Variants in EDN1 observed in about 807,000 individuals in gnomAD.
EDN1 encodes endothelin-1.
A neutral mutation model predicts 21.7 loss-of-function variants in EDN1; 11 were observed. The observed-to-expected ratio is 0.51, with a 90% confidence interval of 0.32 to 0.84. EDN1 has a LOEUF of 0.84. EDN1 is among the 40% of genes least tolerant of loss of function. EDN1 has a pLI of 0.03. For missense variants in EDN1, 244 were observed against 262.3 expected, an observed-to-expected ratio of 0.93 and a Z score of 0.48; for synonymous variants, 85 against 90.6, an observed-to-expected ratio of 0.94 and a Z score of 0.35.
upstream of EDN1, among the ~76,000 whole-genome samples, chr6:12,287,712 T>TCACA (rs66467626): frequency 5.6e-3 from 574 of 103,054 alleles, 9 homozygotes; most frequent in Middle Eastern, 0.017. Flanking sequence ...TCTCTCTCTC[T>TCACA]CACACACACA....
At chr6:12,240,065 G>C in the EDN1 span, among the ~76,000 whole-genome samples, 1 of 152,178 alleles carries the variant, frequency 6.6e-6, no homozygotes. Context: ...TCATCATTCT[G>C]ATTGCTTATA....
the EDN1 span, among the ~76,000 whole-genome samples, chr6:12,276,203 AG>A: frequency 6.7e-6 from 1 of 149,280 alleles, no homozygotes; most frequent in East Asian, 2.0e-4. Context: ...CTAACACACA[AG>A]GAGTTTTATT....
chr6:12,291,786 A>G (rs1027800115), intron 1 of EDN1, among the ~76,000 whole-genome samples: 14 of 152,194 alleles, frequency 9.2e-5, no homozygotes, highest in Admixed American at 1.3e-4. Context: ...TCTCTCTCCA[A>G]TCATTTTCCC....
At chr6:12,283,581 AG>A in the EDN1 span, among the ~76,000 whole-genome samples, 1 of 152,210 alleles carries the variant, frequency 6.6e-6, no homozygotes, top group Non-Finnish European at 1.5e-5. Context: ...ATGTACAGGA[AG>A]GGGTTCCTCA....
At position 12,297,176 on chromosome 6, in the gene EDN1, TA is replaced by T. The variant is rs1581890805; in HGVS notation, c.*1110del. On this transcript the variant is annotated 3_prime_UTR_variant, in exon 5 of 5. Transcript: ENST00000379375. ...CAAGGTAATGACTTTAGAAAATAAA[TA>T]TTTTTTTCCTTACTGTACTGATTTG... 2 of 152,332 alleles carry T rather than the reference TA, an allele frequency of 1.3e-5. No homozygotes were observed. The highest frequency in any genetic ancestry group is 3.9e-4 in the East Asian group (2 of 5,190). 9.4% of individuals were successfully genotyped at this position (152,332 alleles called of 1,614,324 possible).
Position 12,292,331 on chromosome 6 carries a change from C to T in EDN1, c.65-10C>T. 2 of 1,613,754 alleles carry T rather than the reference C, an allele frequency of 1.2e-6. No individual in the cohort carries two copies. Among genetic ancestry groups the T allele is most frequent in the Non-Finnish European group, 1.7e-6 (2 of 1,180,046 alleles). The stretch of plus-strand genomic sequence containing the variant: ...GACATCCCCCACTGACCTGCTCTTT[C>T]TCTCCCCAGCAGTCTTAGGCGCTGA... On this transcript the variant is annotated splice_polypyrimidine_tract_variant and intron_variant, in intron 1 of 4. Coordinates refer to ENST00000379375, the MANE Select transcript of EDN1 (RefSeq NM_001955.5).
At chr6:12,249,774 T>A in the EDN1 span, among the ~76,000 whole-genome samples, 3 of 152,080 alleles carry the variant, frequency 2.0e-5, no homozygotes, top group Non-Finnish European at 2.9e-5. Flanking sequence ...GGTAAGCCTA[T>A]GGGTGTGTTA....
the EDN1 span, among the ~76,000 whole-genome samples, chr6:12,271,444 A>T: frequency 3.3e-5 from 5 of 152,186 alleles, no homozygotes; most frequent in Non-Finnish European, 7.4e-5. Context: ...CTTTGGTTGC[A>T]TACAAATATT....
the EDN1 span, among the ~76,000 whole-genome samples, chr6:12,247,536 CTTTTTTTTTT>C: frequency 3.1e-5 from 3 of 97,760 alleles, no homozygotes; most frequent in East Asian, 2.9e-4. Flanking sequence ...TTCTTTCTTT[CTTTTTTTTTT>C]TTTTTTTTTT....
the EDN1 span, among the ~76,000 whole-genome samples, chr6:12,241,748 C>T: frequency 6.6e-6 from 1 of 152,156 alleles, no homozygotes. Flanking sequence ...ATGAGTAACA[C>T]TTTTTTTGGA....
At chr6:12,277,251 G>A in the EDN1 span, among the ~76,000 whole-genome samples, 2 of 152,192 alleles carry the variant, frequency 1.3e-5, no homozygotes, top group African/African-American at 4.8e-5. Context: ...TGATAAGATT[G>A]GGAAGGAAGG....
chr6:12,241,168 T>TTC, the EDN1 span, among the ~76,000 whole-genome samples: 1,506 of 146,340 alleles, frequency 0.01, 17 homozygotes, highest in African/African-American at 0.036. Flanking sequence ...CTTTCTTTCT[T>TTC]TTTTTTTTTT....
chr6:12,272,852 G>A, the EDN1 span, among the ~76,000 whole-genome samples: 1 of 152,204 alleles, frequency 6.6e-6, no homozygotes, highest in African/African-American at 2.4e-5. Context: ...AACTCAAAAT[G>A]GAATGTCAGG....
the EDN1 span, among the ~76,000 whole-genome samples, chr6:12,283,583 G>C: frequency 1.3e-5 from 2 of 152,112 alleles, no homozygotes; most frequent in African/African-American, 4.8e-5. Flanking sequence ...GTACAGGAAG[G>C]GGTTCCTCAG....
chr6:12,274,939 C>CTCCCTTCCT, the EDN1 span, among the ~76,000 whole-genome samples: 4 of 135,342 alleles, frequency 3.0e-5, no homozygotes, highest in African/African-American at 1.1e-4. Context: ...TTTCTTCCTT[C>CTCCCTTCCT]TCCTTCCTTC....
the EDN1 span, among the ~76,000 whole-genome samples, chr6:12,279,786 C>G: frequency 6.6e-6 from 1 of 152,092 alleles, no homozygotes; most frequent in South Asian, 2.1e-4. Flanking sequence ...TTCAACAGTC[C>G]AAAAAGGAAA....
chr6:12,231,110 A>C, the EDN1 span, among the ~76,000 whole-genome samples: 1 of 152,218 alleles, frequency 6.6e-6, no homozygotes, highest in East Asian at 1.9e-4. Context: ...ATTTATAACC[A>C]AACAATAAGC....
the EDN1 span, among the ~76,000 whole-genome samples, chr6:12,241,133 G>A: frequency 6.6e-6 from 1 of 151,232 alleles, no homozygotes; most frequent in African/African-American, 2.4e-5. Context: ...GGGAACCTTA[G>A]GATGCACTTT....
At chr6:12,277,386 C>T in the EDN1 span, among the ~76,000 whole-genome samples, 6 of 152,178 alleles carry the variant, frequency 3.9e-5, no homozygotes, top group Admixed American at 2.6e-4. Context: ...TGTTCTATGT[C>T]GCCTCACATA....
Sources: gnomAD v4.1 joint callset for allele counts (sites outside exome capture counted in the v4.1 genomes callset) on GRCh38, gnomAD v4.1.1 for gene constraint, MANE v1.5 for transcripts, NCBI Gene and HGNC (gene_info 2026-07-23, HGNC 2026-07-21) for gene names.